NCAN: variants seen among roughly 807,000 people sequenced by gnomAD.
NCAN encodes neurocan.
Under a neutral mutation model 121.8 loss-of-function variants are expected in NCAN, and 47 were observed. That is an observed-to-expected ratio of 0.39 (90% CI 0.31 to 0.49). NCAN has a LOEUF of 0.49. Ranked by LOEUF, NCAN falls within the 20% of genes least tolerant of loss-of-function variation. NCAN has a pLI of 0.92. For synonymous variants in NCAN, 633 were observed against 702.0 expected (o/e 0.90, Z 1.55); for missense variants, 1,517 against 1,773.4 (o/e 0.86, Z 2.60).
At chr19:19,220,285 T>C (rs2060811599) in intron 3 of NCAN, among the ~76,000 whole-genome samples, 1 of 151,852 alleles carries the variant, frequency 6.6e-6, no homozygotes, top group Admixed American at 6.6e-5. Flanking sequence ...TGATTTTATG[T>C]AAGACAAAGG....
rs886083631 is a variant in NCAN, at chr19:19,212,695, C to A, written c.-8+631C>A. Among the ~76,000 whole-genome samples the A allele has an allele frequency of 2.0e-5, 3 of 152,336 alleles. No homozygotes were observed. The East Asian group carries it at 5.8e-4, about 29-fold the overall frequency. On this transcript the variant is annotated intron_variant, in intron 1 of 14. Transcript: ENST00000252575. The surrounding 1 kb of genome is among the most constrained non-coding windows in gnomAD (Gnocchi z 4.5). ...GAGGTCCTGGGGGTCCCCATCCCAA[C>A]GTGGTTCCCCGTTATTCCCTTAGAC...
At chr19:19,244,596 A>C (rs1189860849) in intron 12 of NCAN, among the ~76,000 whole-genome samples, 6 of 151,942 alleles carry the variant, frequency 3.9e-5, no homozygotes, top group Non-Finnish European at 7.4e-5. Flanking sequence ...GGCATGAGCC[A>C]CTGAGCCCGG....
At chr19:19,238,041 CA>C (rs1215432970) in intron 10 of NCAN, among the ~76,000 whole-genome samples, 31 of 140,440 alleles carry the variant, frequency 2.2e-4, no homozygotes, top group Non-Finnish European at 3.6e-4. Flanking sequence ...AGACCCTGTC[CA>C]AAAAAAAAAG....
At position 19,219,294 on chromosome 19, in the gene NCAN, C is replaced by T; in HGVS notation, c.453C>T (p.Asp151=). Residue 151 remains aspartate, a synonymous_variant, in exon 3 of 15, where the codon GAC becomes GAT. Coordinates refer to ENST00000252575, the MANE Select transcript of NCAN (RefSeq NM_004386.3). ...TGAGGGGCATCGAGGATGAGCAGGA[C>T]CTGGTGCCCTTGGAGGTGACAGGTC... ...QVVRGIEDEQ[D]LVPLEVTGVV... 1 of 1,562,054 alleles carries T rather than the reference C, an allele frequency of 6.4e-7. No homozygotes were observed. Among genetic ancestry groups the T allele is most frequent in the Non-Finnish European group, 8.6e-7 (1 of 1,158,380 alleles).
In NCAN at chr19:19,235,349, A is replaced by C. The variant is rs191239443; in HGVS notation, c.3250+253A>C. ...CAGTGGCGCCATCTCAGCTCACTGC[A>C]ACCCCCACCTCCCAGTTTCAAGCAA... is the stretch of plus-strand genomic sequence containing the variant. On this transcript the variant is annotated intron_variant, in intron 10 of 14. Coordinates refer to ENST00000252575, the MANE Select transcript of NCAN (RefSeq NM_004386.3). 8.8e-3 allele frequency among the ~76,000 whole-genome samples: 1,333 copies of C among 152,224 alleles called. 12 individuals are homozygous for C. The highest frequency in any genetic ancestry group is 0.013 in the Admixed American group (194 of 15,276).
At chr19:19,247,079 A>T (rs538942416) in intron 13 of NCAN, among the ~76,000 whole-genome samples, 1 of 150,826 alleles carries the variant, frequency 6.6e-6, no homozygotes, top group South Asian at 2.1e-4. Context: ...CCATTTATTC[A>T]TGTATTTATT....
Position 19,227,304 on chromosome 19 carries a change from C to T in NCAN, c.1684C>T (p.Pro562Ser), listed in dbSNP as rs2060841082. ...AGGTTCTGCTGGTGGCAAGAGCTCC[C>T]CAGAGCCCTGGCTGTGGCCCCCTAC... ...GAGSAGGKSS[P>S]EPWLWPPTMV... The change falls in exon 8 of 15, where the codon CCA becomes TCA. Residue 562 changes from proline (P) to serine (S), a missense_variant. Physicochemically the swap from Pro to Ser is moderately conservative, Grantham distance 74. Coordinates refer to ENST00000252575, the MANE Select transcript of NCAN (RefSeq NM_004386.3). The surrounding 1 kb of genome is among the most constrained non-coding windows in gnomAD (Gnocchi z 4.2). 3 of 1,583,584 alleles carry T rather than the reference C, an allele frequency of 1.9e-6. No homozygotes were observed. The highest frequency in any genetic ancestry group is 8.6e-7 in the Non-Finnish European group (1 of 1,164,462).
chr19:19,234,074 G>C (rs1407501587), intron 9 of NCAN, among the ~76,000 whole-genome samples, 169 bp downstream of exon 9: 1 of 152,146 alleles, frequency 6.6e-6, no homozygotes, highest in African/African-American at 2.4e-5. Context: ...CCAGTTAGTG[G>C]AACCAGAATC....
In NCAN at chr19:19,226,633, C is replaced by A. The variant is rs368686244; in HGVS notation, c.1220C>A (p.Pro407His). 170 of 1,613,820 alleles carry A rather than the reference C, an allele frequency of 1.1e-4. No individual in the cohort carries two copies. The highest frequency in any genetic ancestry group is 1.4e-4 in the Non-Finnish European group (164 of 1,180,014). The change falls in exon 7 of 15, where the codon CCT becomes CAT. Residue 407 changes from proline to histidine, a missense_variant. Pro to His is a moderately conservative substitution (Grantham distance 77). Transcript: ENST00000252575. ...GTGGTCACCCCTGACTTCCAGGAGC[C>A]TCTGGTGTCCAGTGGGGAAGAAGAA... ...EEVVTPDFQEPLVSSGEEETL... is the reference protein window; with the variant it reads ...EEVVTPDFQEHLVSSGEEETL...
Position 19,225,137 on chromosome 19 carries a change from C to T in NCAN, c.939C>T (p.Ser313=). 1 of 1,530,322 alleles carries T rather than the reference C, an allele frequency of 6.5e-7. No homozygotes were observed. The highest frequency in any genetic ancestry group is 8.7e-7 in the Non-Finnish European group (1 of 1,147,890). The allele number at this position is 1,530,322 out of a possible 1,614,324, so 94.8% of individuals were successfully genotyped here. A position where few individuals can be genotyped will look rare whatever the true frequency, so the allele number is the denominator to read the frequency against. Reference sequence around the variant, plus strand: ...ACCCGGGCTGGCTGGCCGACGGCAGCGTGCGCTACCCGATCCAGACGCCGC... The same window carrying T: ...ACCCGGGCTGGCTGGCCGACGGCAGTGTGCGCTACCCGATCCAGACGCCGC... ...QCDPGWLADG[S]VRYPIQTPRR... The change falls in exon 6 of 15, where the codon AGC becomes AGT. Residue 313 remains serine, a synonymous_variant. Coordinates refer to ENST00000252575, the MANE Select transcript of NCAN (RefSeq NM_004386.3). The surrounding 1 kb of genome is among the most constrained non-coding windows in gnomAD (Gnocchi z 4.0).
At chr19:19,244,245 C>A (rs2060915463) in intron 12 of NCAN, among the ~76,000 whole-genome samples, 1 of 151,836 alleles carries the variant, frequency 6.6e-6, no homozygotes, top group Non-Finnish European at 1.5e-5. Context: ...AGTCCTGCCT[C>A]TGAGCCTTCA....
chr19:19,238,273 G>A lies in NCAN; in HGVS notation c.3271G>A (p.Gly1091Ser), dbSNP rs755391461. The A allele has an allele frequency of 1.7e-5, 27 of 1,614,056 alleles. No individual in the cohort carries two copies. The Admixed American group carries it at 2.5e-4, about 15-fold the overall frequency. ...CCCAGACACCGAGGGCTGTGACCGC[G>A]GCTGGCATAAGTTCCAGGGCCACTG... is the stretch of plus-strand genomic sequence containing the variant. The part of the protein sequence containing the change: ...CEKDTEGCDR[G>S]WHKFQGHCYR... The change falls in exon 11 of 15, where the codon GGC becomes AGC. Residue 1091 changes from glycine (G) to serine (S), a missense_variant. Transcript: ENST00000252575.
intron 11 of NCAN, among the ~76,000 whole-genome samples, chr19:19,240,136 G>T: frequency 9.2e-6 from 1 of 108,232 alleles, no homozygotes; most frequent in African/African-American, 3.6e-5. Flanking sequence ...TCCCACTCCT[G>T]CCCCTCCTCC....
rs553438581 is a variant in NCAN at position 19,224,159 on chromosome 19, A to G, written c.614A>G (p.Asn205Ser). Residue 205 changes from asparagine (N) to serine (S), a missense_variant, in exon 4 of 15, where the codon AAC (asparagine) becomes AGC (serine). Asn to Ser is a conservative substitution (Grantham distance 46). Coordinates refer to ENST00000252575, the MANE Select transcript of NCAN (RefSeq NM_004386.3). ...GCTGCCTTTGAGGATGGCTTTGACAACTGTGATGCTGGCTGGCTCTCTGAC... is the reference window on the plus strand; with the variant it reads ...GCTGCCTTTGAGGATGGCTTTGACAGCTGTGATGCTGGCTGGCTCTCTGAC... ...LQAAFEDGFDNCDAGWLSDRT... is the reference protein window; with the variant it reads ...LQAAFEDGFDSCDAGWLSDRT... The G allele has an allele frequency of 5.6e-6, 9 of 1,598,930 alleles. No homozygotes were observed. In the East Asian group the frequency reaches 1.8e-4, roughly 32 times the overall value.
intron 10 of NCAN, 27 bp from the exon 11 acceptor site, chr19:19,238,226 C>T: frequency 6.2e-7 from 1 of 1,613,564 alleles, no homozygotes; most frequent in Non-Finnish European, 8.5e-7. Context: ...GGCCAGCCCC[C>T]CCTCACGCTC....
intron 2 of NCAN, 71 bp downstream of exon 2, chr19:19,217,097 C>A: frequency 8.9e-7 from 1 of 1,123,578 alleles, no homozygotes; most frequent in Non-Finnish European, 1.2e-6. Flanking sequence ...TTTTGAATTC[C>A]AGAGCCTTCT....
intron 8 of NCAN, chr19:19,232,989 G>T (rs1012725381): frequency 2.6e-5 from 4 of 151,920 alleles, no homozygotes; most frequent in African/African-American, 9.7e-5. Flanking sequence ...ACCCAGGCTG[G>T]AGGCGCGATC....
intron 4 of NCAN, 35 bp from the exon 5 acceptor site, chr19:19,224,271 C>T (rs778291392): frequency 2.5e-6 from 4 of 1,602,136 alleles, no homozygotes; most frequent in Non-Finnish European, 3.4e-6. Context: ...TCCAGGAGCA[C>T]ACATCTGAGA....
intron 13 of NCAN, among the ~76,000 whole-genome samples, chr19:19,247,083 A>G (rs2060927022): frequency 6.6e-6 from 1 of 151,186 alleles, no homozygotes; most frequent in African/African-American, 2.4e-5. Flanking sequence ...TTATTCATGT[A>G]TTTATTTATT....
Sources: allele counts gnomAD v4.1 joint callset (sites outside exome capture counted in the v4.1 genomes callset), GRCh38; gene constraint gnomAD v4.1.1; non-coding constraint Gnocchi (gnomAD v3.1); transcripts MANE v1.5; gene names NCBI Gene and HGNC (gene_info 2026-07-23, HGNC 2026-07-21).